COLEC11: variants seen among roughly 807,000 people sequenced by gnomAD.
The protein encoded by COLEC11 is collectin subfamily member 11.
COLEC11 carries 20 observed loss-of-function variants against 27.3 expected under a neutral mutation model. That is an observed-to-expected ratio of 0.73 (90% confidence interval 0.51 to 1.06). COLEC11 has a LOEUF of 1.06. COLEC11 is among the 50% of genes least tolerant of loss of function. The pLI is 0.00. For synonymous variants in COLEC11, 163 were observed against 154.7 expected, an observed-to-expected ratio of 1.05 and a Z score of -0.40; for missense variants, 310 against 383.0, an observed-to-expected ratio of 0.81 and a Z score of 1.59.
intron 3 of COLEC11, among the ~76,000 whole-genome samples, chr2:3,633,707 T>G (rs1031872478): frequency 3.3e-5 from 5 of 152,146 alleles, no homozygotes. Flanking sequence ...ACCTTCCTCC[T>G]GATGGTCAGC....
At chr2:3,603,840 C>T (rs1438233813) in intron 1 of COLEC11, 5 of 629,574 alleles carry the variant, frequency 7.9e-6, no homozygotes, top group Admixed American at 5.7e-5. Flanking sequence ...GATGTGGGGG[C>T]GTGGATTCCT....
chr2:3,637,093 A>G (rs376149604), intron 3 of COLEC11, among the ~76,000 whole-genome samples: 1 of 152,100 alleles, frequency 6.6e-6, no homozygotes, highest in East Asian at 1.9e-4. Context: ...CACCCACCAG[A>G]CCGTGTTCCT....
At chr2:3,640,951 T>C (rs13417228) in intron 5 of COLEC11, among the ~76,000 whole-genome samples, 2,626 of 76,702 alleles carry the variant, frequency 0.034, 256 homozygotes, top group African/African-American at 0.094. Flanking sequence ...CATCCCACGG[T>C]GGACACCCAC....
At chr2:3,628,258 C>G (rs1309385198) in intron 3 of COLEC11, among the ~76,000 whole-genome samples, 3 of 152,250 alleles carry the variant, frequency 2.0e-5, no homozygotes, top group Non-Finnish European at 4.4e-5. Context: ...GAAGCGGCTG[C>G]CCCGCAGGGT....
At position 3,602,722 on chromosome 2, in the gene COLEC11, T is replaced by C. The variant is rs1221497396; in HGVS notation, c.-26-1593T>C. 6.6e-6 allele frequency among the ~76,000 whole-genome samples: 1 copy of C among 152,242 alleles called. No individual in the cohort carries two copies. The highest frequency in any genetic ancestry group is 2.4e-5 in the African/African-American group (1 of 41,468). ...CCCAAAGCTGCTGGGCGCCGGCTCC[T>C]GTCTCCTGTCCTCTGTGCCCACCAG... On this transcript the variant is annotated intron_variant, in intron 1 of 6. Coordinates refer to ENST00000349077, the MANE Select transcript of COLEC11 (RefSeq NM_024027.5). The surrounding 1 kb of genome is among the most constrained non-coding windows in gnomAD (Gnocchi z 6.2).
chr2:3,616,771 C>T (rs909164767), intron 3 of COLEC11, among the ~76,000 whole-genome samples: 5 of 143,696 alleles, frequency 3.5e-5, no homozygotes, highest in East Asian at 2.0e-4. Context: ...AGAGGGAGAC[C>T]GTGGGGAGAG....
chr2:3,611,038 C>T (rs983084518), intron 2 of COLEC11, among the ~76,000 whole-genome samples: 9 of 152,214 alleles, frequency 5.9e-5, no homozygotes, highest in African/African-American at 2.2e-4. Flanking sequence ...TCCGCAGGCC[C>T]TTTCACAGAG....
intron 3 of COLEC11, among the ~76,000 whole-genome samples, chr2:3,625,625 CTTT>C (rs60222284): frequency 1.3e-4 from 12 of 91,456 alleles, no homozygotes; most frequent in Admixed American, 4.3e-4. Flanking sequence ...TTCTTTTTTA[CTTT>C]TTTTTTTTTT....
intron 3 of COLEC11, among the ~76,000 whole-genome samples, chr2:3,621,914 C>T (rs904613081): frequency 1.3e-5 from 2 of 152,114 alleles, no homozygotes; most frequent in Non-Finnish European, 2.9e-5. Flanking sequence ...TGCAGTGGCT[C>T]ACACCTGTAA....
chr2:3,599,912 A>G (rs1272600671), intron 1 of COLEC11, among the ~76,000 whole-genome samples: 1 of 152,192 alleles, frequency 6.6e-6, no homozygotes, highest in Non-Finnish European at 1.5e-5. Context: ...GACACTGAAG[A>G]CTATGGATAC....
intron 2 of COLEC11, among the ~76,000 whole-genome samples, 174 bp from the exon 3 acceptor site, chr2:3,613,135 CAG>C (rs1033855073): frequency 2.1e-5 from 3 of 145,560 alleles, no homozygotes; most frequent in South Asian, 2.1e-4. Context: ...AAAGCAGAAT[CAG>C]GGGCACCCAG....
intron 3 of COLEC11, among the ~76,000 whole-genome samples, chr2:3,625,069 C>T (rs1664438029): frequency 6.6e-6 from 1 of 152,208 alleles, no homozygotes; most frequent in Admixed American, 6.5e-5. Flanking sequence ...CTTTTCATTT[C>T]TACCTCTTAA....
rs1041883790 is a variant in COLEC11 at position 3,596,746 on chromosome 2, G to A, written c.-27+1578G>A. ...TTCCATTGATGGGAGGGCCCTGAGC[G>A]TCTTGGGCCCTGGCTGGGAGATAAG... On this transcript the variant is annotated intron_variant, in intron 1 of 6. Transcript: ENST00000349077. 7.9e-5 allele frequency among the ~76,000 whole-genome samples: 12 copies of A among 152,160 alleles called. No individual in the cohort carries two copies. The East Asian group carries it at 1.2e-3, about 15-fold the overall frequency.
chr2:3,616,407 C>A (rs920864961), intron 3 of COLEC11, among the ~76,000 whole-genome samples: 1 of 151,904 alleles, frequency 6.6e-6, no homozygotes, highest in Non-Finnish European at 1.5e-5. Flanking sequence ...CCAAGGCAGG[C>A]GGCTGGGAGG....
At chr2:3,634,019 G>A (rs761329389) in intron 3 of COLEC11, among the ~76,000 whole-genome samples, 16 of 152,214 alleles carry the variant, frequency 1.1e-4, no homozygotes, top group Non-Finnish European at 1.8e-4. Flanking sequence ...ACCACGGTGA[G>A]GGACACCTGC....
At position 3,629,859 on chromosome 2, in the gene COLEC11, ATGTT is replaced by A. The variant is rs1323240958; in HGVS notation, c.203-7670_203-7667del. 1.4e-4 allele frequency among the ~76,000 whole-genome samples: 21 copies of A among 152,274 alleles called. No individual in the cohort carries two copies. The East Asian group carries it at 2.3e-3, about 17-fold the overall frequency. The stretch of plus-strand genomic sequence containing the variant: ...TGTATATGTTTGTATTCATGTATGT[ATGTT>A]TGTGTACACATGTATCCACGTATGT... On this transcript the variant is annotated intron_variant, in intron 3 of 6. Transcript: ENST00000349077.
chr2:3,625,634 T>TTTTTTTA, intron 3 of COLEC11, among the ~76,000 whole-genome samples: 1 of 132,466 alleles, frequency 7.5e-6, no homozygotes, highest in East Asian at 2.1e-4. Context: ...ACTTTTTTTT[T>TTTTTTTA]TTTTTTTTTT....
chr2:3,626,294 C>G (rs903749434), intron 3 of COLEC11, among the ~76,000 whole-genome samples: 2 of 152,264 alleles, frequency 1.3e-5, no homozygotes, highest in Non-Finnish European at 2.9e-5. Flanking sequence ...GCAGAGACCA[C>G]AGACGTGGAA....
intron 2 of COLEC11, chr2:3,605,215 TGTGCCAGTGTCGG>T (rs1662551866): frequency 2.4e-6 from 1 of 422,870 alleles, no homozygotes; most frequent in Non-Finnish European, 4.9e-6. Flanking sequence ...CAGCAGAGTG[TGTGCCAGTGTCGG>T]GTGGCAGGGC....
Sources: gnomAD v4.1 joint callset for allele counts (sites outside exome capture counted in the v4.1 genomes callset) on GRCh38, gnomAD v4.1.1 for gene constraint, Gnocchi (gnomAD v3.1) non-coding constraint, MANE v1.5 for transcripts, NCBI Gene and HGNC (gene_info 2026-07-23, HGNC 2026-07-21) for gene names.